Variants in PIAS4 observed in about 807,000 individuals in gnomAD.
PIAS4 encodes protein inhibitor of activated STAT 4.
Under a neutral mutation model 58.0 loss-of-function variants are expected in PIAS4, and 7 were observed. The ratio of observed to expected loss-of-function variants is 0.12; its 90% CI spans 0.07 to 0.23. The LOEUF (loss-of-function observed/expected upper bound fraction) is 0.23. Among genes scored for constraint, PIAS4 ranks in the 10% least tolerant of loss-of-function variants. The probability of loss-of-function intolerance (pLI) is 1.00; values close to 1 mark genes in which losing one functional copy is unlikely to be tolerated. For synonymous variants in PIAS4, 364 were observed against 312.4 expected (o/e 1.17, Z -1.74); for missense variants, 550 against 709.5 (o/e 0.78, Z 2.55).
chr19:4,018,251 C>T (rs866383614), intron 2 of PIAS4, among the ~76,000 whole-genome samples: 1 of 152,260 alleles, frequency 6.6e-6, no homozygotes, highest in African/African-American at 2.4e-5. Context: ...CTCGGTACAC[C>T]GGGCCGGTGC....
At chr19:4,012,131 C>T (rs993280236) in intron 1 of PIAS4, among the ~76,000 whole-genome samples, 1 of 151,670 alleles carries the variant, frequency 6.6e-6, no homozygotes, top group Non-Finnish European at 1.5e-5. Flanking sequence ...CCAGGATGGC[C>T]CCAGTGTCCA....
chr19:4,034,458 G>A (rs1329019266), intron 9 of PIAS4, among the ~76,000 whole-genome samples: 4 of 152,236 alleles, frequency 2.6e-5, no homozygotes, highest in African/African-American at 9.6e-5. Context: ...AGGCTCAGAG[G>A]AGGCAACCAG....
chr19:4,021,078 C>T (rs1240853304), intron 2 of PIAS4, among the ~76,000 whole-genome samples: 5 of 152,150 alleles, frequency 3.3e-5, no homozygotes, highest in Admixed American at 2.6e-4. Flanking sequence ...TACACCTTTG[C>T]CATCTCTTAG....
At chr19:4,031,765 G>A (rs913535434) in intron 7 of PIAS4, among the ~76,000 whole-genome samples, 1 of 152,172 alleles carries the variant, frequency 6.6e-6, no homozygotes, top group Non-Finnish European at 1.5e-5. Context: ...TTTCTTTCTT[G>A]CTGCACCTAG....
intron 1 of PIAS4, among the ~76,000 whole-genome samples, chr19:4,012,472 G>C (rs893854799): frequency 6.6e-6 from 1 of 152,106 alleles, no homozygotes; most frequent in Non-Finnish European, 1.5e-5. Context: ...ACATATCTGT[G>C]GCTGACATGG....
At chr19:4,014,145 G>A (rs1322884660) in intron 2 of PIAS4, among the ~76,000 whole-genome samples, 2 of 152,184 alleles carry the variant, frequency 1.3e-5, no homozygotes, top group South Asian at 2.1e-4. Context: ...TGTGTGCACC[G>A]GGCGTGCTGG....
At chr19:4,010,654 G>T (rs1052696440) in intron 1 of PIAS4, among the ~76,000 whole-genome samples, 1 of 152,224 alleles carries the variant, frequency 6.6e-6, no homozygotes, top group Admixed American at 6.5e-5. Context: ...GCCAGAGGCC[G>T]AGGGGCCGAT....
intron 2 of PIAS4, among the ~76,000 whole-genome samples, chr19:4,015,398 G>C (rs2040042185): frequency 6.6e-6 from 1 of 152,144 alleles, no homozygotes; most frequent in Admixed American, 6.5e-5. Context: ...ATCTCCGGGA[G>C]AGCCTGCTCC....
At chr19:4,014,635 G>C (rs1308809899) in intron 2 of PIAS4, among the ~76,000 whole-genome samples, 1 of 152,244 alleles carries the variant, frequency 6.6e-6, no homozygotes, top group East Asian at 1.9e-4. Flanking sequence ...CCAGGCGTGG[G>C]CACGCAGCAG....
At chr19:4,023,141 C>T (rs563901171) in intron 2 of PIAS4, among the ~76,000 whole-genome samples, 1 of 145,420 alleles carries the variant, frequency 6.9e-6, no homozygotes, top group African/African-American at 2.6e-5. Flanking sequence ...TATTGCAGTC[C>T]AGCCTGGGCA....
At chr19:4,020,234 A>G (rs931406398) in intron 2 of PIAS4, among the ~76,000 whole-genome samples, 8 of 152,040 alleles carry the variant, frequency 5.3e-5, no homozygotes, top group Admixed American at 5.2e-4. Flanking sequence ...GTTTTAATTG[A>G]GAAAGTTCCA....
At position 4,028,153 on chromosome 19, in the gene PIAS4, C is replaced by T; in HGVS notation, c.547C>T (p.Gln183Ter). The T allele has an allele frequency of 6.2e-7, 1 of 1,613,514 alleles. No individual in the cohort carries two copies. The highest frequency in any genetic ancestry group is 8.5e-7 in the Non-Finnish European group (1 of 1,179,930). The change falls in exon 4 of 11, where the codon CAG becomes TAG. Residue 183 changes from glutamine (Q) to a stop codon, truncating the protein, a stop_gained. Transcript: ENST00000262971. LOFTEE classifies it high-confidence loss of function. ...VELIRNSREL[Q>*]PGVKAVQVVL... The stretch of plus-strand genomic sequence containing the variant: ...TTTGCTCCACACCCACAGGGAACTG[C>T]AGCCCGGAGTTAAAGCCGTGCAGGT...
chr19:4,013,827 A>C lies in PIAS4; in HGVS notation c.454+478A>C, dbSNP rs1056434263. ...GCGTCCTCAGCCTGGTGGCTCCCTC[A>C]CCCTAGGGTAGCGAGTGTGCACCTC... is the stretch of plus-strand genomic sequence containing the variant. On this transcript the variant is annotated intron_variant, in intron 2 of 10. Coordinates refer to ENST00000262971, the MANE Select transcript of PIAS4 (RefSeq NM_015897.4). The surrounding 1 kb of genome is among the most constrained non-coding windows in gnomAD (Gnocchi z 5.1). 6.6e-6 allele frequency among the ~76,000 whole-genome samples: 1 copy of C among 151,980 alleles called. No individual in the cohort carries two copies. The highest frequency in any genetic ancestry group is 2.4e-5 in the African/African-American group (1 of 41,366).
chr19:4,026,910 C>T (rs1418547733), intron 3 of PIAS4, among the ~76,000 whole-genome samples: 1 of 152,102 alleles, frequency 6.6e-6, no homozygotes, highest in Non-Finnish European at 1.5e-5. Context: ...TGCAGTGGCA[C>T]GATCTTGGCT....
At chr19:4,023,637 A>T (rs2040132903) in intron 2 of PIAS4, among the ~76,000 whole-genome samples, 1 of 152,176 alleles carries the variant, frequency 6.6e-6, no homozygotes, top group African/African-American at 2.4e-5. Flanking sequence ...CCCTGCAGGC[A>T]GGAGGAGAGC....
At chr19:4,016,897 G>C (rs1338885525) in intron 2 of PIAS4, among the ~76,000 whole-genome samples, 1 of 151,510 alleles carries the variant, frequency 6.6e-6, no homozygotes, top group Non-Finnish European at 1.5e-5. Flanking sequence ...GCCCGGGGAA[G>C]GCTGGGGGCT....
intron 2 of PIAS4, among the ~76,000 whole-genome samples, chr19:4,014,930 G>A (rs2040036137): frequency 6.6e-6 from 1 of 152,246 alleles, no homozygotes; most frequent in East Asian, 1.9e-4. Flanking sequence ...GGAAGTGGAG[G>A]AGGGAGGAAG....
chr19:4,027,686 A>G (rs1190005243), intron 3 of PIAS4, among the ~76,000 whole-genome samples: 1 of 151,182 alleles, frequency 6.6e-6, no homozygotes, highest in Non-Finnish European at 1.5e-5. Flanking sequence ...TCAGCCTCCA[A>G]GCAGCTGGGA....
chr19:4,036,836 A>T (rs1349472432), intron 9 of PIAS4, among the ~76,000 whole-genome samples: 1 of 151,606 alleles, frequency 6.6e-6, no homozygotes, highest in African/African-American at 2.4e-5. Context: ...ACACCGTCAC[A>T]CACACACGCC....
Sources: gnomAD v4.1 joint callset for allele counts (sites outside exome capture counted in the v4.1 genomes callset) on GRCh38, gnomAD v4.1.1 for gene constraint, Gnocchi (gnomAD v3.1) non-coding constraint, MANE v1.5 for transcripts, NCBI Gene and HGNC (gene_info 2026-07-23, HGNC 2026-07-21) for gene names.